The following UST variants were observed in gnomAD, a reference collection of about 807,000 sequenced individuals.
UST encodes the protein uronyl 2-sulfotransferase.
Under a neutral mutation model 45.6 loss-of-function variants are expected in UST, and 21 were observed. That is an observed-to-expected ratio of 0.46 (90% CI 0.33 to 0.66). UST has a LOEUF of 0.66. Ranked by LOEUF, UST falls within the 30% of genes least tolerant of loss-of-function variation. The probability of loss-of-function intolerance (pLI) is 0.02; values close to 1 mark genes in which losing one functional copy is unlikely to be tolerated. For synonymous variants in UST, 215 were observed against 200.6 expected, an observed-to-expected ratio of 1.07 and a Z score of -0.61; for missense variants, 463 against 512.4, an observed-to-expected ratio of 0.90 and a Z score of 0.93.
At chr6:148,789,168 T>A (rs182703949) in intron 1 of UST, among the ~76,000 whole-genome samples, 100 of 152,304 alleles carry the variant, frequency 6.6e-4, no homozygotes, top group African/African-American at 2.2e-3. Flanking sequence ...CAATATTGTT[T>A]CCATATTTCT....
At chr6:149,051,719 C>A (rs528631503) in intron 7 of UST, among the ~76,000 whole-genome samples, 1 of 152,308 alleles carries the variant, frequency 6.6e-6, no homozygotes, top group South Asian at 2.1e-4. Flanking sequence ...TTGCCCTAAA[C>A]CATCCAGCTA....
At chr6:148,757,727 A>C (rs1351558019) in intron 1 of UST, among the ~76,000 whole-genome samples, 1 of 152,258 alleles carries the variant, frequency 6.6e-6, no homozygotes, top group African/African-American at 2.4e-5. Context: ...CAAGGAGTAC[A>C]ATTTTCATAA....
At chr6:149,036,991 A>T (rs1364448942) in intron 7 of UST, among the ~76,000 whole-genome samples, 1 of 152,176 alleles carries the variant, frequency 6.6e-6, no homozygotes, top group Admixed American at 6.5e-5. Context: ...ATCATTCCAC[A>T]TAACCTGGTG....
At chr6:149,037,457 G>A (rs1267355641) in intron 7 of UST, among the ~76,000 whole-genome samples, 1 of 152,164 alleles carries the variant, frequency 6.6e-6, no homozygotes, top group Non-Finnish European at 1.5e-5. Flanking sequence ...AAGAAAACAC[G>A]GAGGCCCAGG....
intron 2 of UST, among the ~76,000 whole-genome samples, chr6:148,940,664 A>G (rs927179244): frequency 6.6e-6 from 1 of 151,658 alleles, no homozygotes; most frequent in Non-Finnish European, 1.5e-5. Context: ...CAGCAATTCC[A>G]CTCCACTCCT....
intron 1 of UST, among the ~76,000 whole-genome samples, chr6:148,792,124 T>C (rs1275950096): frequency 6.6e-6 from 1 of 152,182 alleles, no homozygotes; most frequent in Non-Finnish European, 1.5e-5. Context: ...GATGGATGTC[T>C]CTCTCTGCTT....
intron 5 of UST, among the ~76,000 whole-genome samples, chr6:148,968,372 C>T (rs1780847434): frequency 1.3e-5 from 2 of 152,210 alleles, no homozygotes; most frequent in African/African-American, 2.4e-5. Flanking sequence ...TAAATTAGTG[C>T]TCGCATAGAT....
At chr6:148,778,601 A>G (rs1045040285) in intron 1 of UST, among the ~76,000 whole-genome samples, 4 of 152,020 alleles carry the variant, frequency 2.6e-5, no homozygotes, top group Non-Finnish European at 5.9e-5. Flanking sequence ...CAGGCAGGGC[A>G]CTCTGGTGTG....
chr6:148,843,433 G>A (rs1777924546), intron 1 of UST, among the ~76,000 whole-genome samples: 1 of 152,216 alleles, frequency 6.6e-6, no homozygotes, highest in Non-Finnish European at 1.5e-5. Flanking sequence ...AGCTTAAGGG[G>A]CACTATTCTC....
chr6:148,781,864 C>A (rs1427740997), intron 1 of UST, among the ~76,000 whole-genome samples: 2 of 152,146 alleles, frequency 1.3e-5, no homozygotes, highest in African/African-American at 4.8e-5. Context: ...GGTTTACTGA[C>A]TATTTTAAGC....
At chr6:149,006,271 G>A (rs1010758789) in intron 5 of UST, among the ~76,000 whole-genome samples, 4 of 151,940 alleles carry the variant, frequency 2.6e-5, no homozygotes, top group African/African-American at 9.7e-5. Context: ...CCCAGTATGT[G>A]TTCCCCTCCC....
In UST at chr6:149,076,676, T is replaced by G. The variant is rs1156757853; in HGVS notation, c.*2560T>G. 1 of 152,662 alleles carries G rather than the reference T, an allele frequency of 6.6e-6. No homozygotes were observed. The highest frequency in any genetic ancestry group is 6.5e-5 in the Admixed American group (1 of 15,284). The allele number at this position is 152,662 out of a possible 1,614,324, so 9.5% of individuals were successfully genotyped here. On this transcript the variant is annotated 3_prime_UTR_variant, in exon 8 of 8. Coordinates refer to ENST00000367463, the MANE Select transcript of UST (RefSeq NM_005715.3). Reference sequence around the variant, plus strand: ...TATTGTACATTTTACATAGTTTAATTTAAAAAATACCTTTTAAGCTAGTTG... The same window carrying G: ...TATTGTACATTTTACATAGTTTAATGTAAAAAATACCTTTTAAGCTAGTTG...
intron 1 of UST, among the ~76,000 whole-genome samples, chr6:148,776,414 G>A (rs1404895761): frequency 1.3e-5 from 2 of 152,200 alleles, no homozygotes. Flanking sequence ...ACGCAACTGA[G>A]CCTTTCAGGG....
At chr6:149,055,328 C>A (rs541332689) in intron 7 of UST, among the ~76,000 whole-genome samples, 1 of 152,068 alleles carries the variant, frequency 6.6e-6, no homozygotes, top group Non-Finnish European at 1.5e-5. Context: ...GATTTAATGC[C>A]GGTTCACTTA....
At chr6:148,759,847 C>CAA (rs71554421) in intron 1 of UST, among the ~76,000 whole-genome samples, 1,333 of 58,556 alleles carry the variant, frequency 0.023, 75 homozygotes, top group African/African-American at 0.069. Flanking sequence ...GACTCTGTCT[C>CAA]AAAAAAAAAA....
At chr6:148,778,157 G>A (rs1462530220) in intron 1 of UST, among the ~76,000 whole-genome samples, 1 of 152,170 alleles carries the variant, frequency 6.6e-6, no homozygotes, top group Non-Finnish European at 1.5e-5. Context: ...TAATTGTAAT[G>A]ATAAACTGAA....
At chr6:148,972,099 C>A (rs2500514) in intron 5 of UST, among the ~76,000 whole-genome samples, 49,562 of 152,042 alleles carry the variant, frequency 0.33, 8,115 homozygotes, top group Admixed American at 0.4. Context: ...TAGTTAGCAA[C>A]AGAAGACCCA....
At chr6:149,047,932 G>A (rs1056753530) in intron 7 of UST, among the ~76,000 whole-genome samples, 38 of 152,142 alleles carry the variant, frequency 2.5e-4, no homozygotes, top group East Asian at 1.2e-3. Context: ...TGGTGTAAAA[G>A]CACAAGCTCA....
chr6:148,820,416 C>G (rs1203129285), intron 1 of UST, among the ~76,000 whole-genome samples: 1 of 152,160 alleles, frequency 6.6e-6, no homozygotes, highest in East Asian at 1.9e-4. Flanking sequence ...ATTTACCTCT[C>G]AAACTTGTTC....
Sources: gnomAD v4.1 joint callset for allele counts (sites outside exome capture counted in the v4.1 genomes callset) on GRCh38, gnomAD v4.1.1 for gene constraint, MANE v1.5 for transcripts, NCBI Gene and HGNC (gene_info 2026-07-23, HGNC 2026-07-21) for gene names.